CRY1: variants seen among roughly 807,000 people sequenced by gnomAD.
The protein encoded by CRY1 is cryptochrome-1.
Under a neutral mutation model 76.0 loss-of-function variants are expected in CRY1, and 45 were observed. The observed-to-expected ratio is 0.59, with a 90% CI of 0.47 to 0.76. The LOEUF is 0.76. Among genes scored for constraint, CRY1 ranks in the 30% least tolerant of loss-of-function variants. The probability of loss-of-function intolerance (pLI) is 0.00; values close to 1 mark genes in which losing one functional copy is unlikely to be tolerated. For synonymous variants in CRY1, 248 were observed against 244.0 expected, an observed-to-expected ratio of 1.02 and a Z score of -0.15; for missense variants, 587 against 716.4, an observed-to-expected ratio of 0.82 and a Z score of 2.06.
intron 1 of CRY1, among the ~76,000 whole-genome samples, chr12:107,071,782 G>A (rs1229105198): frequency 2.6e-5 from 4 of 152,264 alleles, no homozygotes; most frequent in Middle Eastern, 3.4e-3. Context: ...AAAAGATATG[G>A]TATACAACTT....
In CRY1 at chr12:107,001,814, AGAG is replaced by A; in HGVS notation, c.542_544del (p.Pro181del). On this transcript the variant is annotated inframe_deletion, in exon 4 of 13. Coordinates refer to ENST00000008527, the MANE Select transcript of CRY1 (RefSeq NM_004075.5). ...ATATTTCTCATCATGGTCATCAGAC[AGAG>A]GAGTTGTGCACTTTTCTATCACTTC... The A allele has an allele frequency of 6.3e-7, 1 of 1,588,714 alleles. No individual in the cohort carries two copies.
chr12:107,067,106 A>G (rs1310190725), intron 1 of CRY1, among the ~76,000 whole-genome samples: 1 of 152,200 alleles, frequency 6.6e-6, no homozygotes, highest in Non-Finnish European at 1.5e-5. Context: ...AATAGTCTAC[A>G]GAAGTGTTTG....
chr12:107,067,291 T>A (rs1953124600), intron 1 of CRY1, among the ~76,000 whole-genome samples: 1 of 152,214 alleles, frequency 6.6e-6, no homozygotes, highest in African/African-American at 2.4e-5. Flanking sequence ...TTCAAGAAAG[T>A]TGCCAGCCCT....
Position 107,000,019 on chromosome 12 carries a change from C to T in CRY1, c.748G>A (p.Gly250Arg). Reference protein sequence around the residue: ...NANSLLASPTGLSPYLRFGCL... With the variant: ...NANSLLASPTRLSPYLRFGCL... The stretch of plus-strand genomic sequence containing the variant: ...CCAAATCGGAGATAAGGACTAAGTC[C>T]AGTAGGGCTTGCAAGCAGAGAATTC... The change falls in exon 6 of 13, where the codon GGA (glycine) becomes AGA (arginine). Residue 250 changes from glycine (G) to arginine (R), a missense_variant. By Grantham distance (125) the Gly-to-Arg change is moderately radical. Transcript: ENST00000008527. 1 of 1,612,332 alleles carries T rather than the reference C, an allele frequency of 6.2e-7. No homozygotes were observed.
At chr12:107,039,159 T>C (rs150382858) in intron 1 of CRY1, among the ~76,000 whole-genome samples, 107 of 152,150 alleles carry the variant, frequency 7.0e-4, no homozygotes, top group African/African-American at 2.5e-3. Context: ...AAGGCCTTCA[T>C]CTTACACTAT....
rs1281953722 is a variant in CRY1, at chr12:107,010,612, TTC to T, written c.268-5366_268-5365del. On this transcript the variant is annotated intron_variant, in intron 2 of 12. Coordinates refer to ENST00000008527, the MANE Select transcript of CRY1 (RefSeq NM_004075.5). ...ATCTGTTATGATGACCTGTGATCTC[TTC>T]TCTTTTTTTTTAAGAGACGTGGTTT... Among the ~76,000 whole-genome samples the T allele has an allele frequency of 2.0e-5, 3 of 152,228 alleles. No homozygotes were observed. In the East Asian group the frequency reaches 5.8e-4, roughly 29 times the overall value.
intron 2 of CRY1, among the ~76,000 whole-genome samples, 153 bp from the exon 3 acceptor site, chr12:107,005,401 T>TA (rs1477565402): frequency 6.6e-6 from 1 of 152,276 alleles, no homozygotes; most frequent in African/African-American, 2.4e-5. Context: ...ATTTATCAAT[T>TA]AAAAAATACA....
chr12:107,002,785 T>C (rs1444269009), intron 3 of CRY1, among the ~76,000 whole-genome samples: 1 of 152,176 alleles, frequency 6.6e-6, no homozygotes, highest in African/African-American at 2.4e-5. Context: ...GGGCAGGTCT[T>C]TCCCGTGCTG....
chr12:107,063,137 C>T (rs1234077547), intron 1 of CRY1, among the ~76,000 whole-genome samples: 1 of 152,124 alleles, frequency 6.6e-6, no homozygotes, highest in African/African-American at 2.4e-5. Flanking sequence ...AGACTCAAGA[C>T]ACCATTTTGG....
At chr12:107,091,224 T>C (rs1338114290) in intron 1 of CRY1, among the ~76,000 whole-genome samples, 1 of 152,072 alleles carries the variant, frequency 6.6e-6, no homozygotes, top group African/African-American at 2.4e-5. Flanking sequence ...ATTTTCAGTA[T>C]TAATAGAGAC....
chr12:107,092,930 T>C lies in CRY1; in HGVS notation c.32A>G (p.Lys11Arg). MGVNAVHWFR[K>R]GLRLHDNPAL... ...GGGGTTGTCGTGGAGCCGGAGCCCC[T>C]TTCGGAACCAGTGCACGGCGTTCAC... Residue 11 changes from lysine to arginine, a missense_variant, in exon 1 of 13, where the codon AAG (lysine) becomes AGG (arginine). By Grantham distance (26) the Lys-to-Arg change is conservative (BLOSUM62 2). Coordinates refer to ENST00000008527, the MANE Select transcript of CRY1 (RefSeq NM_004075.5). 1 of 1,600,060 alleles carries C rather than the reference T, an allele frequency of 6.2e-7. No homozygotes were observed.
intron 1 of CRY1, among the ~76,000 whole-genome samples, chr12:107,083,925 A>C (rs1377788071): frequency 6.6e-6 from 1 of 152,220 alleles, no homozygotes; most frequent in African/African-American, 2.4e-5. Flanking sequence ...ACATGATTGT[A>C]TATTTAGAAA....
At position 106,997,949 on chromosome 12, in the gene CRY1, C is replaced by G. The variant is rs749074808; in HGVS notation, c.1255G>C (p.Gly419Arg). The G allele has an allele frequency of 8.6e-5, 139 of 1,613,884 alleles. No homozygotes were observed. Among genetic ancestry groups the G allele is most frequent in the Non-Finnish European group, 1.1e-4 (125 of 1,179,946 alleles). ...FFHCYCPVGFGRRTDPNGDYI... is the reference protein window; with the variant it reads ...FFHCYCPVGFRRRTDPNGDYI... ...TCTCCATTGGGATCTGTTCTCCTAC[C>G]AAAACCAACAGGGCAATAGCAGTGA... is the stretch of plus-strand genomic sequence containing the variant. Residue 419 changes from glycine to arginine, a missense_variant, in exon 8 of 13, where the codon GGT becomes CGT. Transcript: ENST00000008527.
At chr12:107,090,536 G>A (rs920815384) in intron 1 of CRY1, among the ~76,000 whole-genome samples, 1 of 152,144 alleles carries the variant, frequency 6.6e-6, no homozygotes, top group African/African-American at 2.4e-5. Context: ...TGCACCATTT[G>A]CATCTCTTGT....
At chr12:107,072,816 T>C (rs1010809422) in intron 1 of CRY1, 8 of 152,242 alleles carry the variant, frequency 5.3e-5, no homozygotes, top group African/African-American at 1.7e-4. Context: ...CTTCGTATCA[T>C]TTGAATTCTT....
chr12:107,021,049 C>T (rs868329016), intron 2 of CRY1, among the ~76,000 whole-genome samples: 1 of 152,104 alleles, frequency 6.6e-6, no homozygotes, highest in African/African-American at 2.4e-5. Flanking sequence ...TTTGGGAGGT[C>T]GAGGCCGGTG....
At chr12:107,068,589 C>T (rs1054969494) in intron 1 of CRY1, among the ~76,000 whole-genome samples, 3 of 152,102 alleles carry the variant, frequency 2.0e-5, no homozygotes, top group Admixed American at 2.0e-4. Context: ...TGAGCAACCG[C>T]ACTCAGCCCA....
At chr12:107,069,667 G>GTA (rs371484489) in intron 1 of CRY1, among the ~76,000 whole-genome samples, 2 of 133,388 alleles carry the variant, frequency 1.5e-5, no homozygotes, top group African/African-American at 5.7e-5. Context: ...TATATATAAA[G>GTA]TATATATATA....
intron 1 of CRY1, among the ~76,000 whole-genome samples, chr12:107,089,666 T>G (rs1039493475): frequency 1.3e-5 from 2 of 152,182 alleles, no homozygotes; most frequent in Non-Finnish European, 2.9e-5. Context: ...ACAAGATAGC[T>G]TCTAAAGAAA....
Sources: gnomAD v4.1 joint callset for allele counts (sites outside exome capture counted in the v4.1 genomes callset) on GRCh38, gnomAD v4.1.1 for gene constraint, MANE v1.5 for transcripts, NCBI Gene and HGNC (gene_info 2026-07-23, HGNC 2026-07-21) for gene names.